The following PLCB1 variants were observed in gnomAD, a reference collection of about 807,000 sequenced individuals.
The protein encoded by PLCB1 is phospholipase C beta 1, also known as 1-phosphatidylinositol 4,5-bisphosphate phosphodiesterase beta-1.
PLCB1 carries 46 observed loss-of-function variants against 161.8 expected under a neutral mutation model. The ratio of observed to expected loss-of-function variants is 0.28; its 90% CI spans 0.22 to 0.36. PLCB1 has a LOEUF of 0.36. PLCB1 is among the 10% of genes least tolerant of loss of function. The probability of loss-of-function intolerance (pLI) is 1.00; values close to 1 mark genes in which losing one functional copy is unlikely to be tolerated. For missense variants in PLCB1, 1,016 were observed against 1,472.5 expected (o/e 0.69, Z 5.07); for synonymous variants, 517 against 503.7 (o/e 1.03, Z -0.35).
chr20:8,223,283 C>G (rs770978077), intron 2 of PLCB1, among the ~76,000 whole-genome samples: 9 of 152,092 alleles, frequency 5.9e-5, no homozygotes, highest in Middle Eastern at 3.2e-3. Flanking sequence ...TCTCACAGCT[C>G]TATTTAGAAC....
chr20:8,389,523 A>T (rs145906568), intron 3 of PLCB1, among the ~76,000 whole-genome samples: 1 of 152,202 alleles, frequency 6.6e-6, no homozygotes, highest in African/African-American at 2.4e-5. Context: ...AATGAAACCC[A>T]GGTCTTTTCA....
intron 2 of PLCB1, among the ~76,000 whole-genome samples, chr20:8,255,268 A>G (rs1022363859): frequency 6.6e-6 from 1 of 152,120 alleles, no homozygotes; most frequent in African/African-American, 2.4e-5. Context: ...TAGTAATATC[A>G]GAGGTAGTAA....
chr20:8,262,849 T>A (rs757918912), intron 2 of PLCB1, among the ~76,000 whole-genome samples: 14 of 151,350 alleles, frequency 9.3e-5, no homozygotes, highest in Non-Finnish European at 1.9e-4. Context: ...TGTTTGTGTA[T>A]GAGGGAGAAA....
intron 2 of PLCB1, among the ~76,000 whole-genome samples, chr20:8,207,629 G>T (rs556495701): frequency 1.3e-5 from 2 of 152,158 alleles, no homozygotes; most frequent in Non-Finnish European, 2.9e-5. Context: ...CACCCAGGCT[G>T]GTGTGAAGTG....
At chr20:8,425,613 C>G (rs1979733167) in intron 3 of PLCB1, among the ~76,000 whole-genome samples, 1 of 151,722 alleles carries the variant, frequency 6.6e-6, no homozygotes, top group South Asian at 2.1e-4. Flanking sequence ...CAAACGGATT[C>G]TATTTAAAAA....
intron 2 of PLCB1, among the ~76,000 whole-genome samples, chr20:8,198,995 C>A (rs1163818978): frequency 6.6e-6 from 1 of 151,688 alleles, no homozygotes; most frequent in Non-Finnish European, 1.5e-5. Flanking sequence ...ATTATCTGGA[C>A]AGAAACATCT....
At chr20:8,852,921 C>G (rs967144013) in intron 31 of PLCB1, among the ~76,000 whole-genome samples, 51 of 152,156 alleles carry the variant, frequency 3.4e-4, no homozygotes, top group African/African-American at 1.2e-3. Flanking sequence ...TGAGTGGTGG[C>G]CAGAAGTTAC....
chr20:8,243,370 A>G (rs748046516), intron 2 of PLCB1, among the ~76,000 whole-genome samples: 9 of 152,012 alleles, frequency 5.9e-5, no homozygotes, highest in Non-Finnish European at 1.3e-4. Context: ...TTCTTGTACT[A>G]ATAGGACCTA....
At chr20:8,213,581 T>G (rs1431929475) in intron 2 of PLCB1, among the ~76,000 whole-genome samples, 1 of 151,804 alleles carries the variant, frequency 6.6e-6, no homozygotes, top group East Asian at 1.9e-4. Context: ...AGAACAGGGG[T>G]CAGAATAAAG....
intron 3 of PLCB1, among the ~76,000 whole-genome samples, chr20:8,413,870 A>G (rs1979154827): frequency 6.6e-6 from 1 of 152,224 alleles, no homozygotes; most frequent in Admixed American, 6.5e-5. Flanking sequence ...ATATTCTGTC[A>G]TCATCTGTGG....
chr20:8,213,385 A>G (rs911057994), intron 2 of PLCB1, among the ~76,000 whole-genome samples: 5 of 152,140 alleles, frequency 3.3e-5, no homozygotes, highest in South Asian at 4.1e-4. Context: ...TTAGCTCCAA[A>G]GGTGAGTAAG....
At chr20:8,146,626 T>C (rs2051457065) in intron 1 of PLCB1, among the ~76,000 whole-genome samples, 1 of 152,232 alleles carries the variant, frequency 6.6e-6, no homozygotes, top group Non-Finnish European at 1.5e-5. Context: ...AGCAAATCAT[T>C]GTAATGTTAA....
At chr20:8,860,613 T>G (rs1389953749) in intron 31 of PLCB1, among the ~76,000 whole-genome samples, 1 of 152,230 alleles carries the variant, frequency 6.6e-6, no homozygotes, top group Non-Finnish European at 1.5e-5. Context: ...TCATTAGTTA[T>G]TTCACTGATT....
At chr20:8,802,053 C>G (rs763454768) in intron 31 of PLCB1, 1 of 1,563,008 alleles carries the variant, frequency 6.4e-7, no homozygotes, top group Admixed American at 1.7e-5. Context: ...TTTTTCCACA[C>G]AGGGGGAAGG....
rs1812123976 is a variant in PLCB1 at position 8,339,839 on chromosome 20, C to T, written c.178-31543C>T. Among the ~76,000 whole-genome samples, 3 of 152,170 alleles carry T rather than the reference C, an allele frequency of 2.0e-5. No homozygotes were observed. The South Asian group carries it at 6.2e-4, about 32-fold the overall frequency. On this transcript the variant is annotated intron_variant, in intron 2 of 31. Coordinates refer to ENST00000338037, the MANE Select transcript of PLCB1 (RefSeq NM_015192.4). ...GTTAATGGGGCCAGGCACTGTGGCT[C>T]ATGCCTGTAATCTCAGTGCTTTGGG...
At chr20:8,759,763 G>C (rs368761188) in intron 24 of PLCB1, among the ~76,000 whole-genome samples, 2 of 152,078 alleles carry the variant, frequency 1.3e-5, no homozygotes, top group East Asian at 1.9e-4. Context: ...GCCTCCCAGC[G>C]TTTGACTTTT....
At chr20:8,859,604 A>C (rs1987187710) in intron 31 of PLCB1, among the ~76,000 whole-genome samples, 1 of 152,104 alleles carries the variant, frequency 6.6e-6, no homozygotes, top group Non-Finnish European at 1.5e-5. Context: ...TCTTCTAGTA[A>C]TTCAAGAAAG....
At chr20:8,424,411 T>TG (rs1979662466) in intron 3 of PLCB1, among the ~76,000 whole-genome samples, 2 of 152,180 alleles carry the variant, frequency 1.3e-5, no homozygotes, top group South Asian at 4.2e-4. Flanking sequence ...ACTAAATTAC[T>TG]TTTTTTTATT....
intron 3 of PLCB1, among the ~76,000 whole-genome samples, chr20:8,575,546 C>A (rs965364264): frequency 1.1e-4 from 16 of 152,330 alleles, no homozygotes; most frequent in African/African-American, 3.6e-4. Context: ...CAGGCAATGA[C>A]CCTGCCTTAG....
Sources: allele counts gnomAD v4.1 joint callset (sites outside exome capture counted in the v4.1 genomes callset), GRCh38; gene constraint gnomAD v4.1.1; transcripts MANE v1.5; gene names NCBI Gene and HGNC (gene_info 2026-07-23, HGNC 2026-07-21).